Variants in POLA1 observed in about 807,000 individuals in gnomAD.
The protein encoded by POLA1 is DNA polymerase alpha 1, catalytic subunit.
Under a neutral mutation model 124.0 loss-of-function variants are expected in POLA1, and 15 were observed. The observed-to-expected ratio is 0.12, with a 90% CI of 0.08 to 0.19. The LOEUF is 0.19. Ranked by LOEUF, POLA1 falls within the 10% of genes least tolerant of loss-of-function variation. The pLI is 1.00. For synonymous variants in POLA1, 408 were observed against 389.4 expected (o/e 1.05, Z -0.56); for missense variants, 886 against 1,103.4 (o/e 0.80, Z 2.79).
chrX:24,887,050 T>C (rs61057011), intron 34 of POLA1, among the ~76,000 whole-genome samples: 1,317 of 111,820 alleles, frequency 0.012, 19 homozygotes, highest in African/African-American at 0.041. Context: ...AGCACCTCAC[T>C]CTAACATTTG....
chrX:24,906,278 G>C lies in POLA1; in HGVS notation c.4164+18156G>C, dbSNP rs371496866. ...ATAAATGCCCATGAGCTAACGAGTA[G>C]ATAAAGAAAATGTGGTATATATACA... On this transcript the variant is annotated intron_variant, in intron 35 of 36. Coordinates refer to ENST00000379068, the MANE Select transcript of POLA1 (RefSeq NM_001330360.2). Among the ~76,000 whole-genome samples, 7 of 112,181 alleles carry C rather than the reference G, an allele frequency of 6.2e-5. No individual in the cohort carries two copies. In the South Asian group the frequency reaches 1.9e-3, roughly 30 times the overall value.
chrX:24,943,945 A>G (rs1030789497), intron 36 of POLA1, among the ~76,000 whole-genome samples: 1 of 111,986 alleles, frequency 8.9e-6, no homozygotes, highest in Non-Finnish European at 1.9e-5. Flanking sequence ...GAGGCAAGGC[A>G]GGGAATCTAA....
chrX:24,791,163 C>G (rs908624189), intron 26 of POLA1, among the ~76,000 whole-genome samples: 10 of 110,059 alleles, frequency 9.1e-5, no homozygotes, highest in African/African-American at 3.3e-4. Flanking sequence ...CTCTGCTACT[C>G]CAGCATAAGG....
At chrX:24,753,895 A>G (rs1241008226) in intron 26 of POLA1, among the ~76,000 whole-genome samples, 1 of 112,147 alleles carries the variant, frequency 8.9e-6, no homozygotes, top group East Asian at 2.8e-4. Flanking sequence ...TCATTTTCCT[A>G]CCTGATAGGC....
At chrX:24,777,506 G>C (rs1184275840) in intron 26 of POLA1, among the ~76,000 whole-genome samples, 2 of 85,459 alleles carry the variant, frequency 2.3e-5, no homozygotes, top group Non-Finnish European at 4.4e-5. Context: ...ATTTTAAAAA[G>C]CTTATTGTAT....
chrX:24,726,158 C>G, intron 13 of POLA1, 103 bp downstream of exon 13: 1 of 510,738 alleles, frequency 2.0e-6, no homozygotes, highest in Non-Finnish European at 3.4e-6. Context: ...CAGGGCTTCT[C>G]AAGCCCACAG....
intron 35 of POLA1, among the ~76,000 whole-genome samples, chrX:24,907,113 C>G (rs937874670): frequency 1.8e-5 from 2 of 111,376 alleles, no homozygotes; most frequent in African/African-American, 6.5e-5. Flanking sequence ...ATCATTTAAA[C>G]CCAGGAGTCG....
At chrX:24,715,037 A>G in intron 5 of POLA1, 104 bp from the exon 6 acceptor site, 1 of 561,358 alleles carries the variant, frequency 1.8e-6, no homozygotes, top group Non-Finnish European at 3.0e-6. Flanking sequence ...TGAAGAGGCA[A>G]GGACTAACTG....
At chrX:24,748,581 C>A in intron 25 of POLA1, 121 bp downstream of exon 25, 1 of 630,040 alleles carries the variant, frequency 1.6e-6, no homozygotes, top group Non-Finnish European at 2.4e-6. Context: ...GGATAGGTGA[C>A]CATTTAAAAA....
intron 29 of POLA1, among the ~76,000 whole-genome samples, chrX:24,814,434 A>G (rs954945194): frequency 2.5e-4 from 28 of 111,880 alleles, no homozygotes; most frequent in African/African-American, 6.8e-4. Context: ...AAGGGAGAAC[A>G]CTGAGCAACA....
At chrX:24,849,947 A>G (rs759078379) in intron 34 of POLA1, among the ~76,000 whole-genome samples, 1 of 110,782 alleles carries the variant, frequency 9.0e-6, no homozygotes, top group Non-Finnish European at 1.9e-5. Flanking sequence ...TTTTTATTTT[A>G]AGTTTTGTAT....
Position 24,967,408 on chromosome X carries a change from G to A in POLA1, c.4262-28397G>A, listed in dbSNP as rs762911255. Among the ~76,000 whole-genome samples, 75 of 110,716 alleles carry A rather than the reference G, an allele frequency of 6.8e-4. 1 individual carries two copies. The highest frequency in any genetic ancestry group is 1.2e-3 in the Non-Finnish European group (66 of 52,914). ...ATTGAGGCTGGGCGCAGTGGCTCAC[G>A]CTTGTAATCCCAGCACTTTGGGAGG... is the stretch of plus-strand genomic sequence containing the variant. On this transcript the variant is annotated intron_variant, in intron 36 of 36. Transcript: ENST00000379068.
intron 35 of POLA1, among the ~76,000 whole-genome samples, chrX:24,924,217 C>T (rs1005831182): frequency 3.6e-5 from 4 of 111,862 alleles, no homozygotes; most frequent in African/African-American, 9.8e-5. Flanking sequence ...CTGTGTACTT[C>T]GTAGCAGTCA....
chrX:24,977,401 G>C lies in POLA1; in HGVS notation c.4262-18404G>C, dbSNP rs61541668. On this transcript the variant is annotated intron_variant, in intron 36 of 36. Coordinates refer to ENST00000379068, the MANE Select transcript of POLA1 (RefSeq NM_001330360.2). ...TAGTGTTGCTTTTGAAAAGTTGAAA[G>C]CTTTTCTGAGTCCTAATCCTTTATA... 5.0e-3 allele frequency among the ~76,000 whole-genome samples: 565 copies of C among 112,457 alleles called. 6 individuals are homozygous for C. Among genetic ancestry groups the C allele is most frequent in the African/African-American group, 0.017 (540 of 30,963 alleles).
intron 26 of POLA1, among the ~76,000 whole-genome samples, chrX:24,779,471 G>C (rs1785649343): frequency 8.9e-6 from 1 of 112,231 alleles, no homozygotes; most frequent in Non-Finnish European, 1.9e-5. Context: ...ATATTGTTTT[G>C]TTCATGTAGT....
At chrX:24,968,456 T>C (rs1430343781) in intron 36 of POLA1, among the ~76,000 whole-genome samples, 1 of 111,638 alleles carries the variant, frequency 9.0e-6, no homozygotes, top group East Asian at 2.8e-4. Context: ...TCCCAGCACT[T>C]TGGGAGGCCA....
chrX:24,983,066 G>A (rs948285819), intron 36 of POLA1, among the ~76,000 whole-genome samples: 24 of 112,010 alleles, frequency 2.1e-4, no homozygotes, highest in Admixed American at 1.9e-3. Flanking sequence ...CTTCTAAAGA[G>A]TATGTGTTCA....
chrX:24,992,421 A>G (rs1182749527), intron 36 of POLA1, among the ~76,000 whole-genome samples: 2 of 112,446 alleles, frequency 1.8e-5, no homozygotes, highest in Non-Finnish European at 3.7e-5. Context: ...TAATTCAGAT[A>G]TAGTAAATTG....
chrX:24,755,392 G>C, intron 26 of POLA1, among the ~76,000 whole-genome samples: 1 of 111,394 alleles, frequency 9.0e-6, no homozygotes, highest in South Asian at 3.8e-4. Flanking sequence ...TTTATTTTTT[G>C]GTCAGTCTCA....
Sources: gnomAD v4.1 joint callset for allele counts (sites outside exome capture counted in the v4.1 genomes callset) on GRCh38, gnomAD v4.1.1 for gene constraint, MANE v1.5 for transcripts, NCBI Gene and HGNC (gene_info 2026-07-23, HGNC 2026-07-21) for gene names.